The following ACSBG2 variants were observed in gnomAD, a reference collection of about 807,000 sequenced individuals.
ACSBG2 encodes acyl-CoA synthetase bubblegum family member 2.
A neutral mutation model predicts 74.7 loss-of-function variants in ACSBG2; 62 were observed. That is an observed-to-expected ratio of 0.83 (90% confidence interval 0.68 to 1.03). The LOEUF (loss-of-function observed/expected upper bound fraction) is 1.03. Among genes scored for constraint, ACSBG2 ranks in the 50% least tolerant of loss-of-function variants. The pLI, the probability that ACSBG2 is intolerant of heterozygous loss-of-function variation, is 0.00. For synonymous variants in ACSBG2, 309 were observed against 294.1 expected (o/e 1.05, Z -0.52); for missense variants, 730 against 817.6 (o/e 0.89, Z 1.31).
chr19:6,160,518 A>G (rs2145113345), intron 5 of ACSBG2: 1 of 152,258 alleles, frequency 6.6e-6, no homozygotes, highest in African/African-American at 2.4e-5. Flanking sequence ...AAGGATTTTT[A>G]TTGCCTGACT....
chr19:6,151,659 C>T (rs1453983389), intron 3 of ACSBG2, 48 bp from the exon 4 acceptor site: 1 of 1,514,828 alleles, frequency 6.6e-7, no homozygotes, highest in South Asian at 1.2e-5. Context: ...AATGATATAA[C>T]ATCTCTGTGT....
At chr19:6,167,498 C>T (rs2145156202) in intron 7 of ACSBG2, among the ~76,000 whole-genome samples, 1 of 152,322 alleles carries the variant, frequency 6.6e-6, no homozygotes, top group Non-Finnish European at 1.5e-5. Context: ...GGTCCCGATC[C>T]TAGATCCACA....
intron 4 of ACSBG2, among the ~76,000 whole-genome samples, chr19:6,155,401 TAGAC>T (rs1466080786): frequency 6.6e-6 from 1 of 152,166 alleles, no homozygotes. Flanking sequence ...AAAGATTTCT[TAGAC>T]AGGACACAGA....
At chr19:6,183,575 C>T (rs760451659) in intron 10 of ACSBG2, among the ~76,000 whole-genome samples, 1 of 152,210 alleles carries the variant, frequency 6.6e-6, no homozygotes, top group Non-Finnish European at 1.5e-5. Flanking sequence ...CATGATCCTC[C>T]ATCTCAAAAC....
chr19:6,166,096 C>A, intron 7 of ACSBG2, 81 bp downstream of exon 7: 1 of 1,567,848 alleles, frequency 6.4e-7, no homozygotes, highest in Non-Finnish European at 8.7e-7. Context: ...GGTGGCATTC[C>A]AGGGTCTAGT....
intron 4 of ACSBG2, among the ~76,000 whole-genome samples, chr19:6,155,107 T>C (rs1372787489): frequency 6.6e-6 from 1 of 152,168 alleles, no homozygotes; most frequent in Non-Finnish European, 1.5e-5. Context: ...ATGTGCCTCA[T>C]TCCCTGCCAT....
At chr19:6,142,783 A>G (rs1398062226) in intron 2 of ACSBG2, among the ~76,000 whole-genome samples, 1 of 150,144 alleles carries the variant, frequency 6.7e-6, no homozygotes, top group Non-Finnish European at 1.5e-5. Flanking sequence ...GAAAGTACTG[A>G]GGTTTATGGC....
At chr19:6,187,006 T>G (rs1236053791) in intron 11 of ACSBG2, among the ~76,000 whole-genome samples, 4 of 150,734 alleles carry the variant, frequency 2.7e-5, no homozygotes, top group African/African-American at 9.8e-5. Flanking sequence ...CACTAGGTTT[T>G]TTTTTTTTTT....
chr19:6,145,998 A>G (rs1600008071), intron 2 of ACSBG2, among the ~76,000 whole-genome samples: 1 of 152,176 alleles, frequency 6.6e-6, no homozygotes, highest in African/African-American at 2.4e-5. Context: ...AACGACACAC[A>G]TAACTCACTT....
chr19:6,162,181 G>A (rs1290610424), intron 6 of ACSBG2, among the ~76,000 whole-genome samples: 9 of 148,004 alleles, frequency 6.1e-5, no homozygotes, highest in East Asian at 4.0e-4. Context: ...CAGGAGAATC[G>A]CTTGAACCCG....
chr19:6,181,059 A>G lies in ACSBG2; in HGVS notation c.907-1692A>G, dbSNP rs1056306038. ...CCGTCTCTACTAAAAAAAAAAAAAA[A>G]AAAGAAAAAGAAAAATTAGCCAGGC... On this transcript the variant is annotated intron_variant, in intron 8 of 14. Coordinates refer to ENST00000588485, the MANE Select transcript of ACSBG2 (RefSeq NM_030924.5). 9.3e-5 allele frequency among the ~76,000 whole-genome samples: 14 copies of G among 150,682 alleles called. No homozygotes were observed. The South Asian group carries it at 1.3e-3, about 13-fold the overall frequency.
chr19:6,185,591 A>C lies in ACSBG2; in HGVS notation c.1478A>C (p.His493Pro). 6.2e-7 allele frequency: 1 copy of C among 1,614,070 alleles called. No individual in the cohort carries two copies. Among genetic ancestry groups the C allele is most frequent in the Non-Finnish European group, 8.5e-7 (1 of 1,179,994 alleles). The change falls in exon 11 of 15, where the codon CAC becomes CCC. Residue 493 changes from histidine (H) to proline (P), a missense_variant. His to Pro is a moderately conservative substitution (Grantham distance 77, BLOSUM62 -2). Transcript: ENST00000588485. ...GCCATCGATGATGAAGGCTGGCTAC[A>C]CTCTGGGGATCTGGGCCAGCTGGAC... ...TEAIDDEGWL[H>P]SGDLGQLDGL... is the part of the protein sequence containing the mutation.
chr19:6,141,508 TGCAG>T lies in ACSBG2; in HGVS notation c.-31-4_-31-1del, dbSNP rs1324685618. The T allele has an allele frequency of 6.7e-7, 1 of 1,489,094 alleles. No homozygotes were observed. Among genetic ancestry groups the T allele is most frequent in the Admixed American group, 1.7e-5 (1 of 59,778 alleles). 92.2% of individuals were successfully genotyped at this position (1,489,094 alleles called of 1,614,324 possible). On this transcript the variant is annotated splice_acceptor_variant and splice_polypyrimidine_tract_variant and intron_variant, in intron 1 of 14. Transcript: ENST00000588485. LOFTEE classifies it low-confidence loss of function (5UTR_SPLICE). Reference sequence around the variant, plus strand: ...TGTTAAACTCCCTGCTTTTTTGCTTTGCAGTGCTGTGGAGCATGGTTTCTGCACA... The same window carrying T: ...TGTTAAACTCCCTGCTTTTTTGCTTTTGCTGTGGAGCATGGTTTCTGCACA...
intron 6 of ACSBG2, among the ~76,000 whole-genome samples, chr19:6,164,778 T>C (rs80349943): frequency 0.013 from 1,947 of 152,286 alleles, 43 homozygotes; most frequent in African/African-American, 0.044. Context: ...CAGTGCTTTG[T>C]TGGGGGTTCA....
intron 5 of ACSBG2, among the ~76,000 whole-genome samples, chr19:6,157,599 T>G (rs1568229525): frequency 6.6e-6 from 1 of 151,888 alleles, no homozygotes; most frequent in Admixed American, 6.6e-5. Flanking sequence ...TTTTTTTTTG[T>G]AGAGACAGAG....
rs536752182 is a variant in ACSBG2, at chr19:6,156,293, T to A, written c.387-138T>A. Reference sequence around the variant, plus strand: ...TTTGTTGTCTTCATCATTGTTAAGTTGGGGAGGAAGGGAAGCTGGTGCTGT... The same window carrying A: ...TTTGTTGTCTTCATCATTGTTAAGTAGGGGAGGAAGGGAAGCTGGTGCTGT... On this transcript the variant is annotated intron_variant, in intron 4 of 14. Transcript: ENST00000588485. 6.7e-5 allele frequency: 56 copies of A among 838,998 alleles called. 1 individual carries two copies. In the African/African-American group the frequency reaches 9.1e-4, roughly 14 times the overall value. The allele number at this position is 838,998 out of a possible 1,614,324, so 52.0% of individuals were successfully genotyped here. A position where few individuals can be genotyped will look rare whatever the true frequency, so the allele number is the denominator to read the frequency against.
chr19:6,142,284 A>G (rs1459644428), intron 2 of ACSBG2, among the ~76,000 whole-genome samples: 1 of 152,188 alleles, frequency 6.6e-6, no homozygotes, highest in East Asian at 1.9e-4. Flanking sequence ...ATTTATTAAC[A>G]TTAGGCTATA....
chr19:6,166,664 C>T (rs2089819748), intron 7 of ACSBG2, among the ~76,000 whole-genome samples: 1 of 151,374 alleles, frequency 6.6e-6, no homozygotes, highest in African/African-American at 2.4e-5. Flanking sequence ...CTTTTTGAGA[C>T]CGAGTCTGGC....
At chr19:6,155,511 C>T (rs995352890) in intron 4 of ACSBG2, among the ~76,000 whole-genome samples, 3 of 152,118 alleles carry the variant, frequency 2.0e-5, no homozygotes, top group Admixed American at 2.0e-4. Context: ...GAACAGTTGT[C>T]GAACATGGTG....
Sources: allele counts gnomAD v4.1 joint callset (sites outside exome capture counted in the v4.1 genomes callset), GRCh38; gene constraint gnomAD v4.1.1; transcripts MANE v1.5; gene names NCBI Gene and HGNC (gene_info 2026-07-23, HGNC 2026-07-21).